WWOX: variants seen among roughly 807,000 people sequenced by gnomAD.
WWOX encodes WW domain containing oxidoreductase.
WWOX carries 69 observed loss-of-function variants against 46.2 expected under a neutral mutation model. The ratio of observed to expected loss-of-function variants is 1.49; its 90% confidence interval spans 1.23 to 1.82. The LOEUF (loss-of-function observed/expected upper bound fraction) is 1.82, where lower values mean the gene tolerates loss of function less well. WWOX is among the 40% of genes most tolerant of loss of function. The probability of loss-of-function intolerance (pLI) is 0.00; values close to 1 mark genes in which losing one functional copy is unlikely to be tolerated. For missense variants in WWOX, 919 were observed against 542.6 expected (o/e 1.69, Z -6.89); for synonymous variants, 359 against 202.6 (o/e 1.77, Z -6.56).
chr16:78,125,487 G>A (rs569360809), intron 4 of WWOX, among the ~76,000 whole-genome samples: 12 of 152,112 alleles, frequency 7.9e-5, no homozygotes, highest in African/African-American at 2.4e-4. Flanking sequence ...CTCTGTGCCC[G>A]GTCAAGTGCT....
chr16:78,837,139 G>C (rs1313548190), intron 8 of WWOX, among the ~76,000 whole-genome samples: 1 of 152,124 alleles, frequency 6.6e-6, no homozygotes, highest in African/African-American at 2.4e-5. Context: ...AAAAGAAAAA[G>C]AGCAGGTGGA....
intron 4 of WWOX, among the ~76,000 whole-genome samples, chr16:78,144,437 A>ATATATATACGTG (rs1555543002): frequency 5.1e-5 from 1 of 19,622 alleles, no homozygotes; most frequent in African/African-American, 3.4e-4. Context: ...TACTATATAT[A>ATATATATACGTG]TATATATATA....
At chr16:78,148,996 A>G (rs913864707) in intron 4 of WWOX, among the ~76,000 whole-genome samples, 2 of 138,358 alleles carry the variant, frequency 1.4e-5, no homozygotes, top group Admixed American at 7.3e-5. Flanking sequence ...GAGGGTCTTT[A>G]TGTTTTATTT....
At chr16:79,070,489 CAT>C (rs2048529649) in intron 8 of WWOX, among the ~76,000 whole-genome samples, 1 of 152,140 alleles carries the variant, frequency 6.6e-6, no homozygotes, top group Non-Finnish European at 1.5e-5. Context: ...GGAAAATTCT[CAT>C]AGTCTGGAAG....
intron 8 of WWOX, among the ~76,000 whole-genome samples, chr16:78,840,116 G>A (rs1197062234): frequency 1.3e-5 from 2 of 152,186 alleles, no homozygotes; most frequent in Non-Finnish European, 2.9e-5. Flanking sequence ...TGCAAAATAA[G>A]TTATCATTAT....
At chr16:78,226,482 T>TGTCTTCCCTCCC (rs1319040762) in intron 5 of WWOX, among the ~76,000 whole-genome samples, 1 of 134,130 alleles carries the variant, frequency 7.5e-6, no homozygotes, top group Admixed American at 8.0e-5. Context: ...CTGTCCTGTC[T>TGTCTTCCCTCCC]TCCCTCCCTC....
chr16:78,186,982 A>G (rs1165922851), intron 5 of WWOX, among the ~76,000 whole-genome samples: 2 of 152,096 alleles, frequency 1.3e-5, no homozygotes, highest in Non-Finnish European at 1.5e-5. Context: ...TAGTGTTTGC[A>G]TGTACTCATT....
chr16:78,701,385 T>A (rs548014492), intron 8 of WWOX, among the ~76,000 whole-genome samples: 1 of 152,080 alleles, frequency 6.6e-6, no homozygotes, highest in Non-Finnish European at 1.5e-5. Flanking sequence ...CCTACTTACC[T>A]TCTTTTTGAT....
At chr16:78,692,495 T>A (rs141284748) in intron 8 of WWOX, among the ~76,000 whole-genome samples, 1 of 152,330 alleles carries the variant, frequency 6.6e-6, no homozygotes, top group African/African-American at 2.4e-5. Context: ...TGACATCTGT[T>A]CATTAAGAAT....
rs930020294 is a variant in WWOX, at chr16:78,793,881, C to T, written c.1056+361129C>T. ...ATTTGAGGGCAGGAGTTCAAGACCT[C>T]CTCATCTCTACAAAAAATAAAATAT... is the stretch of plus-strand genomic sequence containing the variant. On this transcript the variant is annotated intron_variant, in intron 8 of 8. Coordinates refer to ENST00000566780, the MANE Select transcript of WWOX (RefSeq NM_016373.4). Among the ~76,000 whole-genome samples the T allele has an allele frequency of 2.6e-5, 4 of 151,792 alleles. No homozygotes were observed. In the South Asian group the frequency reaches 6.3e-4, roughly 24 times the overall value.
intron 5 of WWOX, among the ~76,000 whole-genome samples, chr16:78,322,909 C>G (rs1290826352): frequency 6.6e-6 from 1 of 152,184 alleles, no homozygotes; most frequent in African/African-American, 2.4e-5. Context: ...ACAACTTACT[C>G]TGATCTCTTT....
chr16:78,399,414 C>A (rs763897056), intron 6 of WWOX, among the ~76,000 whole-genome samples: 14 of 152,188 alleles, frequency 9.2e-5, no homozygotes, highest in Admixed American at 6.5e-4. Context: ...GGTTTTCTTA[C>A]AAGGAATCTA....
chr16:79,055,316 C>G (rs776825329), intron 8 of WWOX, among the ~76,000 whole-genome samples: 4 of 152,270 alleles, frequency 2.6e-5, no homozygotes, highest in Non-Finnish European at 4.4e-5. Context: ...CAATTCTTTT[C>G]TACTCATCTC....
intron 8 of WWOX, among the ~76,000 whole-genome samples, chr16:78,548,276 C>T (rs1268782788): frequency 6.6e-6 from 1 of 151,144 alleles, no homozygotes; most frequent in Non-Finnish European, 1.5e-5. Flanking sequence ...AAAAACTTGG[C>T]AGTAGCCCTT....
At chr16:78,335,184 A>G (rs562292425) in intron 5 of WWOX, among the ~76,000 whole-genome samples, 20 of 152,294 alleles carry the variant, frequency 1.3e-4, no homozygotes, top group South Asian at 1.2e-3. Context: ...AGTTTGTTAC[A>G]TAGGTAATCA....
chr16:78,641,739 A>T (rs1186330815), intron 8 of WWOX, among the ~76,000 whole-genome samples: 5 of 152,206 alleles, frequency 3.3e-5, no homozygotes, highest in Admixed American at 2.0e-4. Flanking sequence ...GACCCTGAGT[A>T]GCAAAAGACG....
chr16:78,737,949 C>G (rs570185658), intron 8 of WWOX, among the ~76,000 whole-genome samples: 2 of 152,168 alleles, frequency 1.3e-5, no homozygotes, highest in South Asian at 4.2e-4. Flanking sequence ...ATCAATTTTC[C>G]CCATCCCAAG....
Position 78,536,901 on chromosome 16 carries a change from C to CT in WWOX, c.1056+104169dup, listed in dbSNP as rs35326105. On this transcript the variant is annotated intron_variant, in intron 8 of 8. Coordinates refer to ENST00000566780, the MANE Select transcript of WWOX (RefSeq NM_016373.4). ...GTATGTGCTGGTTGCAGAGCCAAGTCTTTTTTTTTTTTTTTTTTTTCCTCC... is the reference window on the plus strand; with the variant it reads ...GTATGTGCTGGTTGCAGAGCCAAGTCTTTTTTTTTTTTTTTTTTTTTCCTCC... Among the ~76,000 whole-genome samples the CT allele has an allele frequency of 6.0e-3, 715 of 120,008 alleles. 2 individuals are homozygous for CT. Among genetic ancestry groups the CT allele is most frequent in the African/African-American group, 0.011 (364 of 32,318 alleles). 78.7% of individuals were successfully genotyped at this position (120,008 alleles called of 152,430 possible).
chr16:78,389,585 C>A (rs893395992), intron 6 of WWOX, among the ~76,000 whole-genome samples: 1 of 152,096 alleles, frequency 6.6e-6, no homozygotes, highest in Non-Finnish European at 1.5e-5. Flanking sequence ...CAAAGCAGTC[C>A]TTGGGAGTAG....
Sources: allele counts gnomAD v4.1 joint callset (sites outside exome capture counted in the v4.1 genomes callset), GRCh38; gene constraint gnomAD v4.1.1; transcripts MANE v1.5; gene names NCBI Gene and HGNC (gene_info 2026-07-23, HGNC 2026-07-21).